Variants in YES1 observed in about 807,000 individuals in gnomAD.
The protein encoded by YES1 is tyrosine-protein kinase Yes.
A neutral mutation model predicts 70.4 loss-of-function variants in YES1; 39 were observed. The ratio of observed to expected loss-of-function variants is 0.55; its 90% CI spans 0.43 to 0.72. The LOEUF (loss-of-function observed/expected upper bound fraction) is 0.72. Ranked by LOEUF, YES1 falls within the 30% of genes least tolerant of loss-of-function variation. The probability of loss-of-function intolerance (pLI) is 0.00; values close to 1 mark genes in which losing one functional copy is unlikely to be tolerated. For synonymous variants in YES1, 198 were observed against 218.6 expected (o/e 0.91, Z 0.83); for missense variants, 495 against 644.8 (o/e 0.77, Z 2.52).
At chr18:808,381 G>T (rs934704944) in intron 1 of YES1, among the ~76,000 whole-genome samples, 1 of 152,108 alleles carries the variant, frequency 6.6e-6, no homozygotes, top group African/African-American at 2.4e-5. Context: ...GCCTAATTGT[G>T]GCACTGGAGC....
chr18:748,626 G>A (rs2080307417), intron 3 of YES1, among the ~76,000 whole-genome samples: 1 of 152,096 alleles, frequency 6.6e-6, no homozygotes, highest in East Asian at 1.9e-4. Context: ...TTATATAAAT[G>A]AAAATATGTG....
chr18:731,530 C>T (rs1219209608), intron 11 of YES1, among the ~76,000 whole-genome samples: 1 of 152,064 alleles, frequency 6.6e-6, no homozygotes, highest in Non-Finnish European at 1.5e-5. Context: ...ACAGTTTTTC[C>T]TAAAGATTAA....
At chr18:781,739 T>G (rs1905678456) in intron 1 of YES1, among the ~76,000 whole-genome samples, 1 of 152,244 alleles carries the variant, frequency 6.6e-6, no homozygotes, top group Admixed American at 6.5e-5. Flanking sequence ...ATCAAATTAC[T>G]TTATCTTTCC....
intron 1 of YES1, among the ~76,000 whole-genome samples, chr18:808,738 T>C (rs535126613): frequency 2.0e-5 from 3 of 152,156 alleles, no homozygotes; most frequent in Non-Finnish European, 2.9e-5. Flanking sequence ...AAAGCCACAA[T>C]ATCAACCACT....
chr18:757,336 T>C (rs983285798), intron 1 of YES1, among the ~76,000 whole-genome samples: 4 of 151,350 alleles, frequency 2.6e-5, no homozygotes, highest in Non-Finnish European at 2.9e-5. Flanking sequence ...ACCCCGCCTC[T>C]ACTAAAAATG....
At chr18:737,833 C>T (rs1352056607) in intron 9 of YES1, among the ~76,000 whole-genome samples, 6 of 152,196 alleles carry the variant, frequency 3.9e-5, no homozygotes, top group Non-Finnish European at 7.3e-5. Context: ...AATTTTCCCA[C>T]CTCAGCCTAG....
chr18:756,589 A>G lies in YES1; in HGVS notation c.239T>C (p.Val80Ala). The part of the protein sequence containing the change: ...PFGGASSSFS[V>A]VPSSYPAGLT... ...ACCAGCAGGATATGAACTTGGCACCACTGAAAATGAGGAAGATGCACCTCC... is the reference window on the plus strand; with the variant it reads ...ACCAGCAGGATATGAACTTGGCACCGCTGAAAATGAGGAAGATGCACCTCC... The change falls in exon 2 of 12, where the codon GTG becomes GCG. Residue 80 changes from valine (V) to alanine (A), a missense_variant. This residue lies in a region of YES1 where 110 missense variants were observed against 104.0 expected (regional missense o/e 1.06). Coordinates refer to ENST00000314574, the MANE Select transcript of YES1 (RefSeq NM_005433.4). 6.2e-7 allele frequency: 1 copy of G among 1,614,180 alleles called. No homozygotes were observed.
rs374527622 is a variant in YES1, at chr18:801,908, T to C, written c.-9+10206A>G. 2.6e-5 allele frequency among the ~76,000 whole-genome samples: 4 copies of C among 152,328 alleles called. No individual in the cohort carries two copies. In the East Asian group the frequency reaches 5.8e-4, roughly 22 times the overall value. On this transcript the variant is annotated intron_variant, in intron 1 of 11. Transcript: ENST00000314574. ...CTGGCGGAACAAACACCTTATTTTATAAAAAGATGAGGAATGTTTTGGACT... is the reference window on the plus strand; with the variant it reads ...CTGGCGGAACAAACACCTTATTTTACAAAAAGATGAGGAATGTTTTGGACT...
At chr18:794,579 A>G (rs1308047249) in intron 1 of YES1, among the ~76,000 whole-genome samples, 2 of 152,148 alleles carry the variant, frequency 1.3e-5, no homozygotes, top group African/African-American at 4.8e-5. Context: ...AATGGCTTAA[A>G]ATAACAAATT....
intron 1 of YES1, among the ~76,000 whole-genome samples, chr18:801,310 G>A (rs900015898): frequency 5.3e-5 from 8 of 152,086 alleles, no homozygotes; most frequent in Admixed American, 2.6e-4. Flanking sequence ...TCCACCCTGG[G>A]AGACAGAGTG....
chr18:791,792 C>T (rs9965976), intron 1 of YES1, among the ~76,000 whole-genome samples: 3,945 of 152,182 alleles, frequency 0.026, 180 homozygotes, highest in African/African-American at 0.09. Context: ...TGGTGGCTCA[C>T]GTCTGTAATC....
chr18:789,033 C>T (rs1304234944), intron 1 of YES1, among the ~76,000 whole-genome samples: 2 of 152,120 alleles, frequency 1.3e-5, no homozygotes, highest in African/African-American at 4.8e-5. Flanking sequence ...CATTTTATAA[C>T]ATTATTAGTT....
At position 752,328 on chromosome 18, in the gene YES1, T is replaced by C. The variant is rs188317494; in HGVS notation, c.272-524A>G. ...TTTCACTGGGTTAGCCAGGTTGGTT[T>C]TGAACTCCTGGCCCCAAGTGATTCG... On this transcript the variant is annotated intron_variant, in intron 2 of 11. Coordinates refer to ENST00000314574, the MANE Select transcript of YES1 (RefSeq NM_005433.4). Among the ~76,000 whole-genome samples, 490 of 152,312 alleles carry C rather than the reference T, an allele frequency of 3.2e-3. 3 individuals are homozygous for C. Among genetic ancestry groups the C allele is most frequent in the African/African-American group, 0.011 (463 of 41,564 alleles).
At position 753,739 on chromosome 18, in the gene YES1, G is replaced by C. The variant is rs559057970; in HGVS notation, c.272-1935C>G. ...GACCTCAAGTGATCTACCTGAGTCG[G>C]CCTCCCAAAGTGCTAGAATTAAAGG... On this transcript the variant is annotated intron_variant, in intron 2 of 11. Transcript: ENST00000314574. Among the ~76,000 whole-genome samples the C allele has an allele frequency of 4.6e-5, 7 of 152,270 alleles. No individual in the cohort carries two copies. In the South Asian group the frequency reaches 1.0e-3, roughly 23 times the overall value.
chr18:784,364 G>C (rs1303745814), intron 1 of YES1, among the ~76,000 whole-genome samples: 1 of 152,186 alleles, frequency 6.6e-6, no homozygotes, highest in Non-Finnish European at 1.5e-5. Context: ...ACTAAGGCTG[G>C]AGACGTTAAA....
At chr18:811,359 A>T (rs896604450) in intron 1 of YES1, among the ~76,000 whole-genome samples, 1 of 151,996 alleles carries the variant, frequency 6.6e-6, no homozygotes, top group Non-Finnish European at 1.5e-5. Context: ...ACAAAAACTA[A>T]AGTCCCTACA....
intron 6 of YES1, 44 bp from the exon 7 acceptor site, chr18:743,459 T>C (rs776336590): frequency 2.1e-5 from 32 of 1,504,290 alleles, no homozygotes; most frequent in Non-Finnish European, 2.1e-5. Flanking sequence ...ATTACAAAAA[T>C]TAAGGGGCAT....
chr18:765,003 A>G (rs186959900), intron 1 of YES1, among the ~76,000 whole-genome samples: 3 of 151,250 alleles, frequency 2.0e-5, no homozygotes, highest in Admixed American at 6.6e-5. Flanking sequence ...CAAAGGGCTG[A>G]GATTACAGGC....
At chr18:770,106 C>G (rs570425610) in intron 1 of YES1, among the ~76,000 whole-genome samples, 24 of 151,936 alleles carry the variant, frequency 1.6e-4, no homozygotes, top group African/African-American at 5.3e-4. Flanking sequence ...AGTACAGGCA[C>G]GCGCCACCAC....
Sources: allele counts gnomAD v4.1 joint callset (sites outside exome capture counted in the v4.1 genomes callset), GRCh38; gene constraint gnomAD v4.1.1; regional missense constraint gnomAD v4.1.1; transcripts MANE v1.5; gene names NCBI Gene and HGNC (gene_info 2026-07-23, HGNC 2026-07-21).